The following SLCO1A2 variants were observed in gnomAD, a reference collection of about 807,000 sequenced individuals.
SLCO1A2 encodes solute carrier organic anion transporter family member 1A2, also known as OATP-1.
A neutral mutation model predicts 69.0 loss-of-function variants in SLCO1A2; 67 were observed. That is an observed-to-expected ratio of 0.97 (90% CI 0.80 to 1.19). SLCO1A2 has a LOEUF of 1.19. Among genes scored for constraint, SLCO1A2 ranks in the 50% most tolerant of loss-of-function variants. The pLI is 0.00. For missense variants in SLCO1A2, 787 were observed against 793.7 expected (o/e 0.99, Z 0.10); for synonymous variants, 260 against 265.9 (o/e 0.98, Z 0.22).
At chr12:21,377,295 G>C (rs989474502) in intron 1 of SLCO1A2, among the ~76,000 whole-genome samples, 8 of 152,132 alleles carry the variant, frequency 5.3e-5, no homozygotes, top group African/African-American at 1.9e-4. Context: ...CACTGCAATA[G>C]AGTACCTGAA....
chr12:21,373,461 T>A, intron 2 of SLCO1A2: 1 of 1,472,336 alleles, frequency 6.8e-7, no homozygotes, highest in Non-Finnish European at 9.5e-7. Flanking sequence ...TGTTTCTTTG[T>A]AACTTTTGTA....
At chr12:21,290,008 AGTGT>A (rs142813630) in intron 12 of SLCO1A2, among the ~76,000 whole-genome samples, 1 of 148,348 alleles carries the variant, frequency 6.7e-6, no homozygotes, top group Non-Finnish European at 1.5e-5. Flanking sequence ...TGTTTTTCTC[AGTGT>A]GTGTGTGTGT....
At chr12:21,388,937 T>C (rs1001782856) in intron 1 of SLCO1A2, among the ~76,000 whole-genome samples, 2 of 152,198 alleles carry the variant, frequency 1.3e-5, no homozygotes, top group African/African-American at 4.8e-5. Context: ...CTTTTGTACC[T>C]CATCATTGTA....
At chr12:21,275,182 G>A in intron 13 of SLCO1A2, 178 bp downstream of exon 13, 1 of 765,676 alleles carries the variant, frequency 1.3e-6, no homozygotes, top group East Asian at 4.2e-5. Context: ...GATAGCATTA[G>A]GAGATTCACC....
intron 2 of SLCO1A2, among the ~76,000 whole-genome samples, chr12:21,320,559 C>T (rs1184123449): frequency 2.0e-5 from 3 of 152,054 alleles, no homozygotes; most frequent in Non-Finnish European, 4.4e-5. Flanking sequence ...AGTGCAGTGG[C>T]ATAATCTTGG....
Position 21,300,466 on chromosome 12 carries a change from G to C in SLCO1A2, c.792C>G (p.Phe264Leu). 6.2e-7 allele frequency: 1 copy of C among 1,613,396 alleles called. No homozygotes were observed. The highest frequency in any genetic ancestry group is 1.1e-5 in the South Asian group (1 of 91,048). ...GVNVLTAIPF[F>L]FLPNTLPKEG... ...CCTTTGGAAGTGTGTTGGGCAAAAA[G>C]AAAAAAGGAATGGCAGTGAGCACGT... is the stretch of plus-strand genomic sequence containing the variant. The change falls in exon 8 of 15, where the codon TTC becomes TTG. Residue 264 changes from phenylalanine to leucine, a missense_variant. Coordinates refer to ENST00000683939, the MANE Select transcript of SLCO1A2 (RefSeq NM_001386879.1).
intron 2 of SLCO1A2, among the ~76,000 whole-genome samples, chr12:21,325,829 C>T (rs1299845894): frequency 6.6e-6 from 1 of 152,100 alleles, no homozygotes. Context: ...TTGTTAATTA[C>T]CCCAGTGTTT....
intron 2 of SLCO1A2, among the ~76,000 whole-genome samples, chr12:21,359,016 G>C (rs998423258): frequency 1.3e-5 from 2 of 152,208 alleles, no homozygotes; most frequent in African/African-American, 4.8e-5. Flanking sequence ...AGAATCCTAT[G>C]CTTAGCTAAG....
At chr12:21,335,852 G>C (rs569877576), upstream of SLCO1A2, among the ~76,000 whole-genome samples, 3 of 152,126 alleles carry the variant, frequency 2.0e-5, no homozygotes, top group African/African-American at 7.2e-5. Context: ...ATGGTGCTAC[G>C]CACCAGCATT....
intron 1 of SLCO1A2, among the ~76,000 whole-genome samples, chr12:21,407,840 C>A (rs1438722165): frequency 6.7e-6 from 1 of 149,770 alleles, no homozygotes; most frequent in Non-Finnish European, 1.5e-5. Context: ...AAAAAAAAGC[C>A]TTTGGCTGCT....
At chr12:21,404,071 A>G (rs1334824932) in intron 1 of SLCO1A2, among the ~76,000 whole-genome samples, 2 of 152,022 alleles carry the variant, frequency 1.3e-5, no homozygotes, top group Admixed American at 1.3e-4. Context: ...ACATTTTTGA[A>G]CAGTAGACTG....
In SLCO1A2 at chr12:21,275,358, A is replaced by T; in HGVS notation, c.1675+2T>A. 1 of 1,556,624 alleles carries T rather than the reference A, an allele frequency of 6.4e-7. No homozygotes were observed. Among genetic ancestry groups the T allele is most frequent in the South Asian group, 1.2e-5 (1 of 84,524 alleles). ...GATGTGGGAAAAAATAACTATTTTTACCAAATACTCTTGTGCAAAATGTAT... is the reference window on the plus strand; with the variant it reads ...GATGTGGGAAAAAATAACTATTTTTTCCAAATACTCTTGTGCAAAATGTAT... On this transcript the variant is annotated splice_donor_variant, in intron 13 of 14. Coordinates refer to ENST00000683939, the MANE Select transcript of SLCO1A2 (RefSeq NM_001386879.1). LOFTEE classifies it high-confidence loss of function.
At chr12:21,370,903 T>G (rs1161795212) in intron 2 of SLCO1A2, among the ~76,000 whole-genome samples, 1 of 152,176 alleles carries the variant, frequency 6.6e-6, no homozygotes, top group African/African-American at 2.4e-5. Flanking sequence ...TCAAGGGTTC[T>G]TGGCTTTGTT....
At chr12:21,331,030 CT>C (rs1220570002) in intron 2 of SLCO1A2, among the ~76,000 whole-genome samples, 1 of 152,096 alleles carries the variant, frequency 6.6e-6, no homozygotes, top group African/African-American at 2.4e-5. Context: ...AAAAATACCT[CT>C]TTATAACTTT....
chr12:21,377,777 T>C (rs1940309482), intron 1 of SLCO1A2, among the ~76,000 whole-genome samples: 1 of 152,220 alleles, frequency 6.6e-6, no homozygotes, highest in Non-Finnish European at 1.5e-5. Flanking sequence ...GATTCAATTA[T>C]CTCAAGGAAC....
At chr12:21,331,620 G>T (rs1334961094) in intron 2 of SLCO1A2, among the ~76,000 whole-genome samples, 1 of 127,102 alleles carries the variant, frequency 7.9e-6, no homozygotes, top group Non-Finnish European at 1.7e-5. Context: ...GAATCGCTGA[G>T]ATAAAAAAAA....
rs180977293 is a variant in SLCO1A2, at chr12:21,357,373, C to T, written c.-63+17026G>A. On this transcript the variant is annotated intron_variant, in intron 2 of 15. Transcript: ENST00000307378. ...CTGCTTCTCCAAACCAACAAGATTGCCAGCAAACTACCAGAAGCTAGAAAG... is the reference window on the plus strand; with the variant it reads ...CTGCTTCTCCAAACCAACAAGATTGTCAGCAAACTACCAGAAGCTAGAAAG... Among the ~76,000 whole-genome samples, 522 of 152,230 alleles carry T rather than the reference C, an allele frequency of 3.4e-3. 3 individuals carry two copies. The highest frequency in any genetic ancestry group is 0.012 in the African/African-American group (494 of 41,552).
chr12:21,306,332 C>CT lies in SLCO1A2; in HGVS notation c.442+549dup, dbSNP rs1050247001. ...GGTCCTTGGATAGATGTCTTTGACT[C>CT]TTTTTTTTTTTGAGACAGAGTCTCA... On this transcript the variant is annotated intron_variant, in intron 5 of 14. Coordinates refer to ENST00000683939, the MANE Select transcript of SLCO1A2 (RefSeq NM_001386879.1). Among the ~76,000 whole-genome samples the CT allele has an allele frequency of 5.9e-3, 868 of 146,634 alleles. 5 individuals carry two copies. The highest frequency in any genetic ancestry group is 6.8e-3 in the Non-Finnish European group (450 of 66,034).
intron 4 of SLCO1A2, among the ~76,000 whole-genome samples, chr12:21,310,599 GTGT>G (rs1299001310): frequency 6.6e-6 from 1 of 152,182 alleles, no homozygotes; most frequent in Non-Finnish European, 1.5e-5. Flanking sequence ...TAATGCTGTT[GTGT>G]TGTTGTTGTT....
Sources: allele counts gnomAD v4.1 joint callset (sites outside exome capture counted in the v4.1 genomes callset), GRCh38; gene constraint gnomAD v4.1.1; transcripts MANE v1.5; gene names NCBI Gene and HGNC (gene_info 2026-07-23, HGNC 2026-07-21).